Variants in GABRG3 observed in about 807,000 individuals in gnomAD.
GABRG3 encodes gamma-aminobutyric acid type A receptor subunit gamma3, also known as gamma-aminobutyric acid receptor subunit gamma-3.
In GABRG3, 25 loss-of-function variants were observed where a neutral mutation model predicts 48.8. The ratio of observed to expected loss-of-function variants is 0.51; its 90% CI spans 0.37 to 0.72. The LOEUF is 0.72. GABRG3 is among the 30% of genes least tolerant of loss of function. GABRG3 has a pLI of 0.00. For synonymous variants in GABRG3, 227 were observed against 217.6 expected (o/e 1.04, Z -0.38); for missense variants, 394 against 577.9 (o/e 0.68, Z 3.26).
intron 5 of GABRG3, among the ~76,000 whole-genome samples, chr15:27,479,699 G>A (rs1460588585): frequency 2.0e-5 from 3 of 152,212 alleles, no homozygotes; most frequent in Non-Finnish European, 2.9e-5. Context: ...ATCAGTGTCT[G>A]TATGAATCAA....
intron 3 of GABRG3, among the ~76,000 whole-genome samples, chr15:27,130,269 G>T (rs1420295372): frequency 6.6e-6 from 1 of 151,922 alleles, no homozygotes; most frequent in Non-Finnish European, 1.5e-5. Flanking sequence ...TTTTGCTTCT[G>T]GATATCCAGT....
chr15:27,008,601 C>T (rs1451992143), intron 2 of GABRG3, among the ~76,000 whole-genome samples: 1 of 152,038 alleles, frequency 6.6e-6, no homozygotes, highest in African/African-American at 2.4e-5. Context: ...TCTTAAATTC[C>T]CATATTGCTT....
intron 3 of GABRG3, among the ~76,000 whole-genome samples, chr15:27,140,562 CTGTT>C (rs1016258615): frequency 3.9e-5 from 6 of 152,060 alleles, no homozygotes; most frequent in African/African-American, 1.4e-4. Flanking sequence ...AGCTAATATT[CTGTT>C]TATTAGTCCT....
intron 3 of GABRG3, among the ~76,000 whole-genome samples, chr15:27,299,644 C>T (rs1892126004): frequency 6.6e-6 from 1 of 152,098 alleles, no homozygotes; most frequent in Admixed American, 6.6e-5. Flanking sequence ...GGAATCAATT[C>T]CACTCAGGTG....
At chr15:27,177,037 T>C (rs1021099121) in intron 3 of GABRG3, among the ~76,000 whole-genome samples, 1 of 152,168 alleles carries the variant, frequency 6.6e-6, no homozygotes, top group Admixed American at 6.5e-5. Flanking sequence ...AGAGATATTT[T>C]TATAATCATT....
Position 27,527,582 on chromosome 15 carries a change from T to C in GABRG3, c.1015T>C (p.Tyr339His). The part of the protein sequence containing the change: ...AALMEYATLN[Y>H]YSSCRKPTTT... ...GCTGATGGAGTATGCCACCCTCAAC[T>C]ACTATTCCAGCTGTAGAAAACCAAC... The change falls in exon 8 of 10, where the codon TAC (tyrosine) becomes CAC (histidine). Residue 339 changes from tyrosine (Y) to histidine (H), a missense_variant. Physicochemically the swap from Tyr to His is moderately conservative, Grantham distance 83. Around this residue, in one of 3 missense-constraint regions of GABRG3, gnomAD observed 126 missense variants for 155.5 expected, o/e 0.81. Coordinates refer to ENST00000615808, the MANE Select transcript of GABRG3 (RefSeq NM_033223.5). 1 of 1,613,472 alleles carries C rather than the reference T, an allele frequency of 6.2e-7. No individual in the cohort carries two copies. The highest frequency in any genetic ancestry group is 8.5e-7 in the Non-Finnish European group (1 of 1,179,672).
chr15:27,267,989 T>C (rs1466842109), intron 3 of GABRG3, among the ~76,000 whole-genome samples: 2 of 152,180 alleles, frequency 1.3e-5, no homozygotes, highest in Non-Finnish European at 2.9e-5. Flanking sequence ...GGTATATTGC[T>C]CTGTAGTTTT....
intron 3 of GABRG3, among the ~76,000 whole-genome samples, chr15:27,169,680 C>T (rs1566953453): frequency 6.6e-6 from 1 of 152,176 alleles, no homozygotes; most frequent in African/African-American, 2.4e-5. Flanking sequence ...TCGGCAGGCT[C>T]AGGCTGCCAT....
chr15:27,283,028 A>T (rs1312073421), intron 3 of GABRG3, among the ~76,000 whole-genome samples: 1 of 152,152 alleles, frequency 6.6e-6, no homozygotes, highest in African/African-American at 2.4e-5. Context: ...TTAAGTATAT[A>T]GATGACACTC....
At chr15:27,358,047 C>T (rs941685938) in intron 5 of GABRG3, among the ~76,000 whole-genome samples, 5 of 152,180 alleles carry the variant, frequency 3.3e-5, no homozygotes, top group South Asian at 2.1e-4. Context: ...AGTCTCCCAA[C>T]CAATTGTGTT....
intron 3 of GABRG3, among the ~76,000 whole-genome samples, chr15:27,216,339 C>T (rs1246984826): frequency 6.6e-6 from 1 of 152,178 alleles, no homozygotes; most frequent in East Asian, 1.9e-4. Context: ...AGTGGTAACC[C>T]TTAGAGACAG....
intron 2 of GABRG3, among the ~76,000 whole-genome samples, chr15:27,001,505 A>T (rs1895446324): frequency 6.6e-6 from 1 of 152,222 alleles, no homozygotes; most frequent in East Asian, 1.9e-4. Context: ...GCAGGTTAGC[A>T]TTTGTGGATG....
At chr15:27,182,940 A>G (rs1887978901) in intron 3 of GABRG3, among the ~76,000 whole-genome samples, 1 of 152,188 alleles carries the variant, frequency 6.6e-6, no homozygotes. Flanking sequence ...TGAGGGTGAG[A>G]TCAAGCCAAA....
chr15:27,002,281 G>C (rs1295356420), intron 2 of GABRG3, among the ~76,000 whole-genome samples: 1 of 152,158 alleles, frequency 6.6e-6, no homozygotes, highest in Admixed American at 6.5e-5. Context: ...GCCCACAGGG[G>C]GATTTTCCAG....
chr15:27,473,382 A>AT (rs1255931710), intron 5 of GABRG3, among the ~76,000 whole-genome samples: 1 of 152,172 alleles, frequency 6.6e-6, no homozygotes, highest in Non-Finnish European at 1.5e-5. Flanking sequence ...GTAAAGTGCA[A>AT]TTTTTTACAG....
At chr15:27,327,119 T>TCTTC in intron 4 of GABRG3, 90 bp downstream of exon 4, 1 of 1,135,948 alleles carries the variant, frequency 8.8e-7, no homozygotes, top group Non-Finnish European at 1.3e-6. Context: ...TATTTTCATC[T>TCTTC]CTAAGTCTAT....
intron 5 of GABRG3, among the ~76,000 whole-genome samples, chr15:27,393,794 G>A (rs1212703232): frequency 1.3e-5 from 2 of 152,140 alleles, no homozygotes; most frequent in African/African-American, 4.8e-5. Context: ...TTCTGCCTCT[G>A]GCAAGATGGA....
chr15:27,006,689 T>G (rs1479748259), intron 2 of GABRG3, among the ~76,000 whole-genome samples: 3 of 152,166 alleles, frequency 2.0e-5, no homozygotes, highest in Admixed American at 6.5e-5. Context: ...TGGTGTCTGT[T>G]GTTCCTTTCT....
chr15:27,325,077 C>T (rs1441927830), intron 3 of GABRG3, among the ~76,000 whole-genome samples: 2 of 147,398 alleles, frequency 1.4e-5, no homozygotes, highest in African/African-American at 2.4e-5. Flanking sequence ...GTCCCACATT[C>T]CTGAGCTCTA....
Sources: gnomAD v4.1 joint callset for allele counts (sites outside exome capture counted in the v4.1 genomes callset) on GRCh38, gnomAD v4.1.1 for gene constraint, gnomAD v4.1.1 regional missense constraint, MANE v1.5 for transcripts, NCBI Gene and HGNC (gene_info 2026-07-23, HGNC 2026-07-21) for gene names.